The following ZNF717 variants were observed in gnomAD, a reference collection of about 807,000 sequenced individuals.
ZNF717 encodes the protein zinc finger protein 717, also known as krueppel-like factor X17.
A neutral mutation model predicts 13.8 loss-of-function variants in ZNF717; 9 were observed. That is an observed-to-expected ratio of 0.65 (90% CI 0.39 to 1.14). The LOEUF (loss-of-function observed/expected upper bound fraction) is 1.14. ZNF717 is among the 50% of genes most tolerant of loss of function. ZNF717 has a pLI of 0.01. For missense variants in ZNF717, 1,040 were observed against 1,080.7 expected (o/e 0.96, Z 0.53); for synonymous variants, 327 against 364.1 (o/e 0.90, Z 1.16).
In ZNF717 at chr3:75,736,241, C is replaced by T. The variant is rs1470419558; in HGVS notation, c.*637G>A. The T allele has an allele frequency of 6.6e-6, 1 of 152,336 alleles. No individual in the cohort carries two copies. Among genetic ancestry groups the T allele is most frequent in the Non-Finnish European group, 1.5e-5 (1 of 68,124 alleles). 9.4% of individuals were successfully genotyped at this position (152,336 alleles called of 1,614,324 possible). ...AAGATACAACAATGAAATTAGGCCA[C>T]TTCACTCTGCAGTGGCCACCATGTG... is the stretch of plus-strand genomic sequence containing the variant. On this transcript the variant is annotated 3_prime_UTR_variant, in exon 5 of 5. Transcript: ENST00000652011.
chr3:75,764,403 C>G (rs6549787), intron 2 of ZNF717, among the ~76,000 whole-genome samples: 36,003 of 150,654 alleles, frequency 0.24, 3,457 homozygotes, highest in African/African-American at 0.34. Flanking sequence ...AACCTGGACC[C>G]CAATTCTACC....
downstream of ZNF717, among the ~76,000 whole-genome samples, chr3:75,708,413 G>C (rs112213610): frequency 5.5e-3 from 839 of 152,386 alleles, 5 homozygotes; most frequent in African/African-American, 0.02. Context: ...AGTCCTGCCT[G>C]TTAGAAGGAA....
intron 6 of ZNF717, among the ~76,000 whole-genome samples, chr3:75,699,128 A>G (rs1341624574): frequency 2.0e-5 from 3 of 152,170 alleles, no homozygotes; most frequent in African/African-American, 7.3e-5. Context: ...CTTTTAGAAT[A>G]GGATTATTTA....
intron 2 of ZNF717, among the ~76,000 whole-genome samples, chr3:75,768,463 T>C (rs1378537300): frequency 7.1e-4 from 67 of 94,412 alleles, no homozygotes; most frequent in East Asian, 1.8e-3. Context: ...CTCATTCAGT[T>C]CTCACTGTGG....
At chr3:75,712,163 C>T (rs1575716674) in intron 5 of ZNF717, among the ~76,000 whole-genome samples, 1 of 152,330 alleles carries the variant, frequency 6.6e-6, no homozygotes, top group South Asian at 2.1e-4. Context: ...CAATGTTATG[C>T]CTTTTTAGGC....
At chr3:75,741,842 C>A (rs138093217) in intron 2 of ZNF717, 106 bp from the exon 3 acceptor site, 26,420 of 1,109,442 alleles carry the variant, frequency 0.024, no homozygotes, top group Admixed American at 0.076. Context: ...AGTGCACAGC[C>A]ACATCTTCAA....
Position 75,717,840 on chromosome 3 carries a change from C to T in ZNF717, n.545-1299G>A, listed in dbSNP as rs1373440473. Among the ~76,000 whole-genome samples the T allele has an allele frequency of 3.9e-5, 6 of 152,170 alleles. No individual in the cohort carries two copies. In the East Asian group the frequency reaches 9.6e-4, roughly 24 times the overall value. On this transcript the variant is annotated intron_variant and non_coding_transcript_variant, in intron 4 of 5. Coordinates refer to the ZNF717 transcript ENST00000491507. ...GCATAACAGATGAATTTTTCTCCAG[C>T]AAACACAACAATTCATTTTCAACAG...
chr3:75,709,733 A>G (rs1429504801), exon 6 of ZNF717: 5 of 152,146 alleles, frequency 3.3e-5, no homozygotes, highest in African/African-American at 9.7e-5. Flanking sequence ...TGCTCTCTTC[A>G]TGGCCTTCCC....
At position 75,738,038 on chromosome 3, in the gene ZNF717, G is replaced by A. The variant is rs1254952195; in HGVS notation, c.1585C>T (p.His529Tyr). Residue 529 changes from histidine to tyrosine, a missense_variant, in exon 5 of 5, where the codon CAT (histidine) becomes TAT (tyrosine). By Grantham distance (83) the His-to-Tyr change is moderately conservative. Coordinates refer to ENST00000652011, the MANE Select transcript of ZNF717 (RefSeq NM_001290208.3). ...KSFLTVHQRTHAGEKPYACNE... is the reference protein window; with the variant it reads ...KSFLTVHQRTYAGEKPYACNE... ...CATGCGTATGGTTTTTCCCCAGCATGAGTTCTCTGATGGACAGTGAGGAAT... is the reference window on the plus strand; with the variant it reads ...CATGCGTATGGTTTTTCCCCAGCATAAGTTCTCTGATGGACAGTGAGGAAT... 9 of 1,342,514 alleles carry A rather than the reference G, an allele frequency of 6.7e-6. No individual in the cohort carries two copies. The South Asian group carries it at 1.3e-4, about 19-fold the overall frequency. 83.2% of individuals were successfully genotyped at this position (1,342,514 alleles called of 1,614,324 possible). A position where few individuals can be genotyped will look rare whatever the true frequency, so the allele number is the denominator to read the frequency against.
intron 2 of ZNF717, among the ~76,000 whole-genome samples, chr3:75,779,495 T>C (rs557254364): frequency 6.9e-6 from 1 of 145,382 alleles, no homozygotes. Context: ...CCCAAAACAA[T>C]GGGAGTGACG....
chr3:75,764,938 C>A (rs1187321526), intron 2 of ZNF717, among the ~76,000 whole-genome samples: 30 of 114,596 alleles, frequency 2.6e-4, no homozygotes, highest in African/African-American at 7.8e-4. Flanking sequence ...TACACAGCCA[C>A]AAGGTGGAAG....
chr3:75,760,020 G>A lies in ZNF717; in HGVS notation c.58-18284C>T, dbSNP rs559358032. Among the ~76,000 whole-genome samples, 32 of 152,150 alleles carry A rather than the reference G, an allele frequency of 2.1e-4. 1 individual carries two copies. In the South Asian group the frequency reaches 5.8e-3, roughly 28 times the overall value. On this transcript the variant is annotated intron_variant, in intron 2 of 4. Transcript: ENST00000652011. ...AATTGAAATACATACAAATATGTCTGAAATTTTTTCTTTCTTCTTTTTTTT... is the reference window on the plus strand; with the variant it reads ...AATTGAAATACATACAAATATGTCTAAAATTTTTTCTTTCTTCTTTTTTTT...
At chr3:75,695,865 A>C (rs1309472367) in intron 6 of ZNF717, among the ~76,000 whole-genome samples, 2 of 152,182 alleles carry the variant, frequency 1.3e-5, no homozygotes, top group Admixed American at 1.3e-4. Flanking sequence ...AAGTGCCAAC[A>C]TAAAAAACAG....
rs113377377 is a variant in ZNF717, at chr3:75,714,341, C to A, written n.667+2078G>T. 4.6e-5 allele frequency among the ~76,000 whole-genome samples: 7 copies of A among 151,702 alleles called. No homozygotes were observed. The East Asian group carries it at 9.8e-4, about 21-fold the overall frequency. ...TCACGGGCATCTTCCCAGATGCTGG[C>A]GTTACTGCTAGACCAAGGAGCCCTT... On this transcript the variant is annotated intron_variant and non_coding_transcript_variant, in intron 5 of 5. Coordinates refer to the ZNF717 transcript ENST00000491507.
chr3:75,735,635 T>TAAAAAAAAAAAAAAAAAAAAA (rs149366090), downstream of ZNF717, among the ~76,000 whole-genome samples: 1 of 79,844 alleles, frequency 1.3e-5, no homozygotes, highest in Non-Finnish European at 2.2e-5. Flanking sequence ...ACTGTCTCAA[T>TAAAAAAAAAAAAAAAAAAAAA]AAAAAAAAAA....
chr3:75,776,364 C>T (rs371059896), intron 2 of ZNF717, among the ~76,000 whole-genome samples: 99 of 140,334 alleles, frequency 7.1e-4, no homozygotes, highest in South Asian at 1.4e-3. Flanking sequence ...ACCTGATGGG[C>T]CATTTAAACA....
At position 75,713,298 on chromosome 3, in the gene ZNF717, G is replaced by A. The variant is rs1431628942; in HGVS notation, n.668-1982C>T. ...CCCCAGTAGCTGGGACTACAGGCATGTGTCACCATGCCTGGCTAACTTCTG... is the reference window on the plus strand; with the variant it reads ...CCCCAGTAGCTGGGACTACAGGCATATGTCACCATGCCTGGCTAACTTCTG... On this transcript the variant is annotated intron_variant and non_coding_transcript_variant, in intron 5 of 5. Transcript: ENST00000491507. Among the ~76,000 whole-genome samples, 412 of 152,068 alleles carry A rather than the reference G, an allele frequency of 2.7e-3. 1 individual carries two copies. The highest frequency in any genetic ancestry group is 9.0e-3 in the African/African-American group (372 of 41,502).
At chr3:75,710,941 T>C (rs1231285048) in exon 6 of ZNF717, 1 of 152,204 alleles carries the variant, frequency 6.6e-6, no homozygotes. Flanking sequence ...TTTAAAAACC[T>C]CTTGAGGCCA....
rs1186176465 is a variant in ZNF717, at chr3:75,738,573, A to G, written c.1050T>C (p.Arg350=). ...TCTCATGTAAAGTGAGGAATGACTT[A>G]CGGCGAAAGGTTTTACCACATTCAT... ...GCNECGKTFR[R]KSFLTLHERT... The change falls in exon 5 of 5, where the codon CGT becomes CGC. Residue 350 remains arginine (R), a synonymous_variant. Transcript: ENST00000652011. 5 of 1,541,666 alleles carry G rather than the reference A, an allele frequency of 3.2e-6. No individual in the cohort carries two copies. The highest frequency in any genetic ancestry group is 2.0e-5 in the Admixed American group (1 of 50,052).
Sources: allele counts gnomAD v4.1 joint callset (sites outside exome capture counted in the v4.1 genomes callset), GRCh38; gene constraint gnomAD v4.1.1; transcripts MANE v1.5; gene names NCBI Gene and HGNC (gene_info 2026-07-23, HGNC 2026-07-21).